The following ZHX2 variants were observed in gnomAD, a reference collection of about 807,000 sequenced individuals.
The protein encoded by ZHX2 is zinc fingers and homeoboxes protein 2.
ZHX2 carries 6 observed loss-of-function variants against 21.9 expected under a neutral mutation model. The ratio of observed to expected loss-of-function variants is 0.27; its 90% CI spans 0.15 to 0.54. The LOEUF (loss-of-function observed/expected upper bound fraction) is 0.54. Among genes scored for constraint, ZHX2 ranks in the 20% least tolerant of loss-of-function variants. The probability of loss-of-function intolerance (pLI) is 0.95; values close to 1 mark genes in which losing one functional copy is unlikely to be tolerated. For missense variants in ZHX2, 908 were observed against 1,090.7 expected (o/e 0.83, Z 2.36); for synonymous variants, 434 against 437.1 (o/e 0.99, Z 0.09).
At chr8:122,936,219 T>G (rs10087621) in intron 2 of ZHX2, among the ~76,000 whole-genome samples, 109,216 of 152,124 alleles carry the variant, frequency 0.72, 39,318 homozygotes, top group East Asian at 0.81. Flanking sequence ...CTCCCAGTTT[T>G]TGCAGGGAGG....
chr8:122,804,779 G>A (rs998504249), intron 1 of ZHX2, among the ~76,000 whole-genome samples: 59 of 152,204 alleles, frequency 3.9e-4, no homozygotes, highest in Middle Eastern at 6.8e-3. Flanking sequence ...CTCCCTTGGG[G>A]TTACCTGCCC....
At chr8:122,866,571 T>C (rs1185753334) in intron 2 of ZHX2, among the ~76,000 whole-genome samples, 1 of 152,168 alleles carries the variant, frequency 6.6e-6, no homozygotes, top group South Asian at 2.1e-4. Context: ...AAAACTATTC[T>C]AGATTCCTTT....
At chr8:122,816,020 C>T (rs1818024916) in intron 1 of ZHX2, among the ~76,000 whole-genome samples, 1 of 142,924 alleles carries the variant, frequency 7.0e-6, no homozygotes. Context: ...GCGGAGGTTG[C>T]AGTGAGCCAA....
At chr8:122,895,244 G>C (rs571181948) in intron 2 of ZHX2, among the ~76,000 whole-genome samples, 1 of 152,196 alleles carries the variant, frequency 6.6e-6, no homozygotes, top group East Asian at 1.9e-4. Context: ...CATCATAGGG[G>C]AGGTGTGAGC....
At chr8:122,946,150 T>C (rs1812970589) in intron 2 of ZHX2, among the ~76,000 whole-genome samples, 1 of 152,170 alleles carries the variant, frequency 6.6e-6, no homozygotes, top group Non-Finnish European at 1.5e-5. Flanking sequence ...ATTTTTTATT[T>C]TTGCCAACTT....
At chr8:122,873,534 G>A (rs970571290) in intron 2 of ZHX2, among the ~76,000 whole-genome samples, 1 of 152,206 alleles carries the variant, frequency 6.6e-6, no homozygotes, top group African/African-American at 2.4e-5. Flanking sequence ...GCAGAGAAGG[G>A]CCCCTCGTCC....
intron 2 of ZHX2, among the ~76,000 whole-genome samples, chr8:122,932,588 C>T (rs1821019895): frequency 6.6e-6 from 1 of 152,178 alleles, no homozygotes; most frequent in Admixed American, 6.5e-5. Flanking sequence ...TGAGATCGCG[C>T]CATTGTACTC....
chr8:122,794,291 C>A (rs1481008662), intron 1 of ZHX2, among the ~76,000 whole-genome samples: 1 of 148,348 alleles, frequency 6.7e-6, no homozygotes, highest in Admixed American at 6.7e-5. Flanking sequence ...TTTTTTCTAA[C>A]AAGAGGGAAG....
At chr8:122,938,466 C>T (rs188325770) in intron 2 of ZHX2, among the ~76,000 whole-genome samples, 1 of 152,064 alleles carries the variant, frequency 6.6e-6, no homozygotes, top group African/African-American at 2.4e-5. Context: ...ATGAGTTCAC[C>T]AAGAAGGATG....
chr8:122,803,595 C>T (rs1053487349), intron 1 of ZHX2, among the ~76,000 whole-genome samples: 4 of 152,248 alleles, frequency 2.6e-5, no homozygotes, highest in Non-Finnish European at 5.9e-5. Flanking sequence ...GAAACTGTCT[C>T]CAGATTTTGT....
intron 1 of ZHX2, among the ~76,000 whole-genome samples, chr8:122,793,561 T>C (rs1297778045): frequency 6.6e-6 from 1 of 152,218 alleles, no homozygotes; most frequent in Non-Finnish European, 1.5e-5. Flanking sequence ...TATCATGGCC[T>C]TTTTTGTAAC....
chr8:122,905,903 G>T (rs539414968), intron 2 of ZHX2, among the ~76,000 whole-genome samples: 33 of 152,328 alleles, frequency 2.2e-4, no homozygotes, highest in African/African-American at 7.7e-4. Context: ...GAACAGAAAT[G>T]CTAGGCCACC....
intron 1 of ZHX2, among the ~76,000 whole-genome samples, chr8:122,832,267 C>A (rs2130677718): frequency 6.6e-6 from 1 of 152,230 alleles, no homozygotes; most frequent in African/African-American, 2.4e-5. Flanking sequence ...CTGCGGTGAG[C>A]TAGCTTGTCT....
At chr8:122,955,839 A>ATTTTTTTT (rs540333833) in intron 3 of ZHX2, among the ~76,000 whole-genome samples, 2 of 104,922 alleles carry the variant, frequency 1.9e-5, no homozygotes, top group Non-Finnish European at 1.8e-5. Flanking sequence ...TGAGGGAGTG[A>ATTTTTTTT]TTTTTTTTTT....
chr8:122,827,362 G>A (rs1183124235), intron 1 of ZHX2, among the ~76,000 whole-genome samples: 1 of 152,012 alleles, frequency 6.6e-6, no homozygotes, highest in Non-Finnish European at 1.5e-5. Context: ...TTTAACTACC[G>A]AGGATTGTTA....
chr8:122,854,116 G>C (rs1411382459), intron 1 of ZHX2, among the ~76,000 whole-genome samples: 1 of 152,170 alleles, frequency 6.6e-6, no homozygotes, highest in African/African-American at 2.4e-5. Flanking sequence ...GGCGTGCTAG[G>C]TGGCCCTTGG....
chr8:122,916,746 T>A (rs1285614118), intron 2 of ZHX2, among the ~76,000 whole-genome samples: 1 of 152,130 alleles, frequency 6.6e-6, no homozygotes, highest in African/African-American at 2.4e-5. Flanking sequence ...CCATCCATCC[T>A]ATCGTTTAAC....
intron 2 of ZHX2, among the ~76,000 whole-genome samples, chr8:122,898,656 C>T (rs1271114411): frequency 6.6e-6 from 1 of 152,250 alleles, no homozygotes; most frequent in Non-Finnish European, 1.5e-5. Flanking sequence ...CAGAAAAACA[C>T]TAGCAGCTGA....
At chr8:122,903,499 G>T (rs1820278245) in intron 2 of ZHX2, among the ~76,000 whole-genome samples, 2 of 152,206 alleles carry the variant, frequency 1.3e-5, no homozygotes, top group Non-Finnish European at 2.9e-5. Context: ...TGGGCATTGA[G>T]AAATGGGTCT....
Sources: gnomAD v4.1 joint callset for allele counts (sites outside exome capture counted in the v4.1 genomes callset) on GRCh38, gnomAD v4.1.1 for gene constraint, MANE v1.5 for transcripts, NCBI Gene and HGNC (gene_info 2026-07-23, HGNC 2026-07-21) for gene names.